PLB1: variants seen among roughly 807,000 people sequenced by gnomAD.
PLB1 encodes the protein phospholipase B1.
A neutral mutation model predicts 227.4 loss-of-function variants in PLB1; 242 were observed. The observed-to-expected ratio is 1.06, with a 90% CI of 0.96 to 1.18. PLB1 has a LOEUF of 1.18. Ranked by LOEUF, PLB1 falls within the 50% of genes most tolerant of loss-of-function variation. The probability of loss-of-function intolerance (pLI) is 0.00; values close to 1 mark genes in which losing one functional copy is unlikely to be tolerated. For synonymous variants in PLB1, 757 were observed against 682.2 expected (o/e 1.11, Z -1.71); for missense variants, 1,858 against 1,816.3 (o/e 1.02, Z -0.42).
At chr2:28,598,398 C>T (rs1573313595) in intron 34 of PLB1, among the ~76,000 whole-genome samples, 1 of 152,182 alleles carries the variant, frequency 6.6e-6, no homozygotes, top group South Asian at 2.1e-4. Flanking sequence ...CTTCAATGCA[C>T]TGTGAATTGT....
chr2:28,607,669 G>C (rs1385885026), intron 43 of PLB1, among the ~76,000 whole-genome samples: 1 of 152,148 alleles, frequency 6.6e-6, no homozygotes, highest in Non-Finnish European at 1.5e-5. Context: ...CAAAACCTTA[G>C]AGGCCCCTAC....
chr2:28,603,161 T>A (rs1411632278), intron 39 of PLB1, among the ~76,000 whole-genome samples: 1 of 152,134 alleles, frequency 6.6e-6, no homozygotes, highest in Non-Finnish European at 1.5e-5. Context: ...AGGGGAGGGA[T>A]CAAAGTTGGG....
rs577390801 is a variant in PLB1, at chr2:28,610,390, A to G, written c.3130-3641A>G. On this transcript the variant is annotated intron_variant, in intron 43 of 57. Coordinates refer to ENST00000327757, the MANE Select transcript of PLB1 (RefSeq NM_153021.5). Reference sequence around the variant, plus strand: ...GGTCTCAAACTCCTGAGCTCAAGCAATCTTCCCACACTGGCCTCCCAAAGT... The same window carrying G: ...GGTCTCAAACTCCTGAGCTCAAGCAGTCTTCCCACACTGGCCTCCCAAAGT... Among the ~76,000 whole-genome samples the G allele has an allele frequency of 4.6e-5, 7 of 152,144 alleles. No individual in the cohort carries two copies. In the South Asian group the frequency reaches 6.2e-4, roughly 14 times the overall value.
chr2:28,498,807 A>T (rs1666769151), intron 1 of PLB1, among the ~76,000 whole-genome samples: 1 of 152,142 alleles, frequency 6.6e-6, no homozygotes, highest in Admixed American at 6.5e-5. Flanking sequence ...CCTATTTTTG[A>T]TTCTTCTTCA....
intron 25 of PLB1, 21 bp downstream of exon 25, chr2:28,582,526 C>T (rs753204069): frequency 2.0e-5 from 31 of 1,554,610 alleles, no homozygotes; most frequent in South Asian, 9.2e-5. Flanking sequence ...TACTTCTCCC[C>T]GATTCTACTA....
At chr2:28,622,902 TTAAAAA>T (rs1280839945) in intron 49 of PLB1, among the ~76,000 whole-genome samples, 1 of 151,890 alleles carries the variant, frequency 6.6e-6, no homozygotes, top group Non-Finnish European at 1.5e-5. Context: ...ATAATAATAA[TTAAAAA>T]TAAATAAAAG....
chr2:28,553,121 T>C, intron 17 of PLB1, 130 bp downstream of exon 17: 1 of 746,842 alleles, frequency 1.3e-6, no homozygotes, highest in Non-Finnish European at 2.3e-6. Flanking sequence ...TCTGTATGTA[T>C]ATTTGTAAAG....
In PLB1 at chr2:28,628,726, C is replaced by T. The variant is rs1455064915; in HGVS notation, c.3726+98C>T. The T allele has an allele frequency of 8.8e-5, 107 of 1,214,058 alleles. 2 individuals are homozygous for T. The South Asian group carries it at 1.2e-3, about 14-fold the overall frequency. 75.2% of individuals were successfully genotyped at this position (1,214,058 alleles called of 1,614,324 possible). A position where few individuals can be genotyped will look rare whatever the true frequency, so the allele number is the denominator to read the frequency against. On this transcript the variant is annotated intron_variant, in intron 52 of 57. Transcript: ENST00000327757. ...AGTGAGATGCTCACGGAGCAGAGACCCGCCATGAGTGAGCACCTGGATGGC... is the reference window on the plus strand; with the variant it reads ...AGTGAGATGCTCACGGAGCAGAGACTCGCCATGAGTGAGCACCTGGATGGC...
chr2:28,500,735 G>A lies in PLB1; in HGVS notation c.55+4566G>A, dbSNP rs148704721. 9.5e-3 allele frequency among the ~76,000 whole-genome samples: 1,447 copies of A among 151,952 alleles called. 20 individuals carry two copies. Among genetic ancestry groups the A allele is most frequent in the African/African-American group, 0.032 (1,307 of 41,418 alleles). On this transcript the variant is annotated intron_variant, in intron 1 of 57. Transcript: ENST00000327757. Reference sequence around the variant, plus strand: ...GAGACCAGCTCGGGCAATATAGTGAGACCCCGTCTCCAAAAAAAAAGAAAA... The same window carrying A: ...GAGACCAGCTCGGGCAATATAGTGAAACCCCGTCTCCAAAAAAAAAGAAAA...
chr2:28,576,311 C>G (rs1187008342), intron 21 of PLB1, among the ~76,000 whole-genome samples: 1 of 152,222 alleles, frequency 6.6e-6, no homozygotes, highest in Non-Finnish European at 1.5e-5. Context: ...CTGACAATAG[C>G]TGTCATGCAG....
intron 43 of PLB1, among the ~76,000 whole-genome samples, chr2:28,611,414 G>T (rs923966687): frequency 1.1e-4 from 16 of 152,148 alleles, no homozygotes; most frequent in Admixed American, 1.0e-3. Flanking sequence ...GCTGAGTCTG[G>T]GCTCCTTTGA....
At chr2:28,600,433 G>A (rs528821362) in intron 35 of PLB1, among the ~76,000 whole-genome samples, 8 of 152,284 alleles carry the variant, frequency 5.3e-5, no homozygotes, top group Non-Finnish European at 8.8e-5. Context: ...AGTGAAAAGA[G>A]GAAGCATGCT....
chr2:28,598,959 C>T (rs1683429024), intron 35 of PLB1, among the ~76,000 whole-genome samples, 199 bp downstream of exon 35: 1 of 152,178 alleles, frequency 6.6e-6, no homozygotes, highest in Admixed American at 6.5e-5. Context: ...AGATGCGATG[C>T]CCCTATAGGT....
rs566548925 is a variant in PLB1 at position 28,517,519 on chromosome 2, T to C, written c.117+650T>C. Among the ~76,000 whole-genome samples, 23 of 152,328 alleles carry C rather than the reference T, an allele frequency of 1.5e-4. No homozygotes were observed. In the South Asian group the frequency reaches 4.8e-3, roughly 32 times the overall value. On this transcript the variant is annotated intron_variant, in intron 2 of 57. Coordinates refer to ENST00000327757, the MANE Select transcript of PLB1 (RefSeq NM_153021.5). ...TTCCTCCAGGCTCAGGACACTCTGG[T>C]AGGGACATGAGAGTCTCCCAGTTTC...
At chr2:28,614,695 T>C (rs567481591) in intron 44 of PLB1, among the ~76,000 whole-genome samples, 1 of 152,270 alleles carries the variant, frequency 6.6e-6, no homozygotes, top group Non-Finnish European at 1.5e-5. Context: ...CCGGATCAGG[T>C]CTGTTGGTCA....
intron 33 of PLB1, chr2:28,594,204 A>G (rs79817361): frequency 0.022 from 8,048 of 361,252 alleles, 123 homozygotes; most frequent in Non-Finnish European, 0.033. Context: ...TCTGAAACCC[A>G]TCGCACACTT....
At chr2:28,581,211 G>A (rs563644075) in intron 23 of PLB1, among the ~76,000 whole-genome samples, 2 of 151,900 alleles carry the variant, frequency 1.3e-5, no homozygotes, top group African/African-American at 4.8e-5. Context: ...TAGGCTTGGT[G>A]TGGCCGGTGT....
intron 23 of PLB1, 74 bp from the exon 24 acceptor site, chr2:28,581,994 G>C: frequency 7.2e-7 from 1 of 1,391,742 alleles, no homozygotes; most frequent in Non-Finnish European, 1.0e-6. Flanking sequence ...GGGGACCCAA[G>C]AGAGAAAGTA....
intron 20 of PLB1, among the ~76,000 whole-genome samples, chr2:28,569,022 T>A (rs1677544372): frequency 6.6e-6 from 1 of 152,182 alleles, no homozygotes; most frequent in South Asian, 2.1e-4. Flanking sequence ...TGAATAGAAA[T>A]CGGAGCAATT....
Sources: allele counts gnomAD v4.1 joint callset (sites outside exome capture counted in the v4.1 genomes callset), GRCh38; gene constraint gnomAD v4.1.1; transcripts MANE v1.5; gene names NCBI Gene and HGNC (gene_info 2026-07-23, HGNC 2026-07-21).